FBXO10: variants seen among roughly 807,000 people sequenced by gnomAD.
The protein encoded by FBXO10 is F-box protein 10.
In FBXO10, 39 loss-of-function variants were observed where a neutral mutation model predicts 80.7. The ratio of observed to expected loss-of-function variants is 0.48; its 90% CI spans 0.37 to 0.63. FBXO10 has a LOEUF of 0.63. Among genes scored for constraint, FBXO10 ranks in the 30% least tolerant of loss-of-function variants. FBXO10 has a pLI of 0.00. For synonymous variants in FBXO10, 449 were observed against 489.6 expected (o/e 0.92, Z 1.09); for missense variants, 1,025 against 1,269.0 (o/e 0.81, Z 2.92).
At chr9:37,531,709 G>A (rs1821627228) in intron 4 of FBXO10, among the ~76,000 whole-genome samples, 200 bp downstream of exon 4, 1 of 152,154 alleles carries the variant, frequency 6.6e-6, no homozygotes, top group Non-Finnish European at 1.5e-5. Context: ...ACGGGGAGAT[G>A]ACCAGAAAAT....
Position 37,521,568 on chromosome 9 carries a change from C to T in FBXO10, c.2200+1G>A. On this transcript the variant is annotated splice_donor_variant, in intron 8 of 10. Coordinates refer to ENST00000432825, the MANE Select transcript of FBXO10 (RefSeq NM_012166.3). LOFTEE classifies it high-confidence loss of function. ...AGCAGGGGCTGAGGGGGTATACTCA[C>T]CTCCATTGTGATTAATACTGTTAGA... The T allele has an allele frequency of 6.2e-7, 1 of 1,603,568 alleles. No individual in the cohort carries two copies. Among genetic ancestry groups the T allele is most frequent in the Non-Finnish European group, 8.5e-7 (1 of 1,172,834 alleles).
intron 1 of FBXO10, among the ~76,000 whole-genome samples, chr9:37,562,391 C>G (rs1189251383): frequency 6.6e-6 from 1 of 152,166 alleles, no homozygotes; most frequent in Non-Finnish European, 1.5e-5. Context: ...AGAGGGGACA[C>G]AGGAAGTGCT....
Position 37,518,455 on chromosome 9 carries a change from T to C in FBXO10, c.2201-17A>G. 3.2e-6 allele frequency: 5 copies of C among 1,561,130 alleles called. No homozygotes were observed. In the South Asian group the frequency reaches 4.9e-5, roughly 15 times the overall value. On this transcript the variant is annotated splice_polypyrimidine_tract_variant and intron_variant, in intron 8 of 10. Transcript: ENST00000432825. ...GTCCTGAGGCTATGGGTGGAAGGGT[T>C]GGAAAGCACAGGGGGTCCCAGGGTC...
chr9:37,518,152 C>G lies in FBXO10; in HGVS notation c.2487G>C (p.Leu829=). ...NDIIGNRGSG[L]QLLPRSDTKV... ...TAGTGTCGGACCTGGGCAGCAGCTG[C>G]AGCCCGCTGCCCCGGTTGCCAATGA... Residue 829 remains leucine (L), a synonymous_variant, in exon 9 of 11, where the codon CTG becomes CTC. Transcript: ENST00000432825. 4.3e-6 allele frequency: 7 copies of G among 1,613,680 alleles called. No individual in the cohort carries two copies. Among genetic ancestry groups the G allele is most frequent in the Non-Finnish European group, 5.9e-6 (7 of 1,179,686 alleles).
chr9:37,547,146 AAAAC>A (rs754135216), intron 1 of FBXO10, among the ~76,000 whole-genome samples: 3 of 152,262 alleles, frequency 2.0e-5, no homozygotes, highest in Non-Finnish European at 2.9e-5. Flanking sequence ...TCATAATAGT[AAAAC>A]AAACAAACAA....
intron 1 of FBXO10, among the ~76,000 whole-genome samples, chr9:37,571,722 T>TATATAC (rs1554649965): frequency 1.5e-5 from 2 of 137,324 alleles, no homozygotes; most frequent in East Asian, 4.2e-4. Flanking sequence ...GCCATATATA[T>TATATAC]ATATATATAT....
intron 1 of FBXO10, among the ~76,000 whole-genome samples, chr9:37,545,877 T>C (rs770465993): frequency 2.6e-5 from 4 of 152,202 alleles, no homozygotes; most frequent in African/African-American, 9.6e-5. Flanking sequence ...CCGGGTGCGG[T>C]GGCTCACACC....
chr9:37,547,502 T>A (rs989929483), intron 1 of FBXO10, among the ~76,000 whole-genome samples: 1 of 152,078 alleles, frequency 6.6e-6, no homozygotes, highest in Non-Finnish European at 1.5e-5. Context: ...TCCCAGCTAC[T>A]AGGGTGGTTG....
chr9:37,543,808 C>T (rs1821983663), intron 1 of FBXO10, among the ~76,000 whole-genome samples: 1 of 152,214 alleles, frequency 6.6e-6, no homozygotes, highest in South Asian at 2.1e-4. Context: ...ACTTCCAAGT[C>T]TGAAACCCAA....
At chr9:37,550,750 A>G (rs1822179467) in intron 1 of FBXO10, among the ~76,000 whole-genome samples, 1 of 152,166 alleles carries the variant, frequency 6.6e-6, no homozygotes, top group African/African-American at 2.4e-5. Flanking sequence ...AAGTGCTGCG[A>G]TTATAGGCAC....
At chr9:37,554,965 T>C (rs942412920) in intron 1 of FBXO10, among the ~76,000 whole-genome samples, 5 of 152,188 alleles carry the variant, frequency 3.3e-5, no homozygotes, top group African/African-American at 1.2e-4. Flanking sequence ...AGGAGTGGAA[T>C]TCCTAGGTTC....
intron 1 of FBXO10, among the ~76,000 whole-genome samples, chr9:37,567,116 G>A (rs1447108988): frequency 6.6e-6 from 1 of 151,306 alleles, no homozygotes; most frequent in African/African-American, 2.4e-5. Context: ...AATGCCAGGT[G>A]CTTTTTACAT....
intron 1 of FBXO10, among the ~76,000 whole-genome samples, chr9:37,573,684 G>C (rs1822818664): frequency 6.6e-6 from 1 of 152,212 alleles, no homozygotes; most frequent in Non-Finnish European, 1.5e-5. Context: ...AAGGACATTA[G>C]AGAGGACTTG....
At position 37,529,133 on chromosome 9, in the gene FBXO10, G is replaced by C; in HGVS notation, c.1697C>G (p.Pro566Arg). 1.2e-6 allele frequency: 2 copies of C among 1,613,970 alleles called. No individual in the cohort carries two copies. Among genetic ancestry groups the C allele is most frequent in the Non-Finnish European group, 8.5e-7 (1 of 1,179,876 alleles). Residue 566 changes from proline to arginine, a missense_variant, in exon 5 of 11, where the codon CCC (proline) becomes CGC (arginine). This residue lies in a region of FBXO10 where 478 missense variants were observed against 667.8 expected (regional missense o/e 0.72). Coordinates refer to ENST00000432825, the MANE Select transcript of FBXO10 (RefSeq NM_012166.3). ...AGIYILYHGN[P>R]VVSGNHIFKG... ...AAACAGCAGCACACACCTCACAACG[G>C]GGTTTCCGTGGTACAGGATGTAAAT... is the stretch of plus-strand genomic sequence containing the variant.
At chr9:37,519,627 A>G (rs1821276446) in intron 8 of FBXO10, among the ~76,000 whole-genome samples, 1 of 152,186 alleles carries the variant, frequency 6.6e-6, no homozygotes, top group African/African-American at 2.4e-5. Flanking sequence ...AACAACAAAA[A>G]TAAGTATTTG....
intron 1 of FBXO10, among the ~76,000 whole-genome samples, chr9:37,544,918 C>T (rs1334235474): frequency 4.8e-5 from 7 of 144,844 alleles, no homozygotes; most frequent in African/African-American, 1.3e-4. Flanking sequence ...GGCGTGAACC[C>T]GGGAGGTGGA....
At position 37,541,175 on chromosome 9, in the gene FBXO10, G is replaced by T. The variant is rs779633066; in HGVS notation, c.585+9C>A. The T allele has an allele frequency of 6.3e-7, 1 of 1,583,488 alleles. No homozygotes were observed. The highest frequency in any genetic ancestry group is 8.6e-7 in the Non-Finnish European group (1 of 1,166,750). On this transcript the variant is annotated intron_variant, in intron 2 of 10. Transcript: ENST00000432825. Reference sequence around the variant, plus strand: ...ACTAGAAAGGCCGTCTATTGATGTGGATACCCACCTTATACATGATGGGTG... The same window carrying T: ...ACTAGAAAGGCCGTCTATTGATGTGTATACCCACCTTATACATGATGGGTG...
intron 1 of FBXO10, among the ~76,000 whole-genome samples, chr9:37,546,692 T>C (rs544304817): frequency 1.3e-5 from 2 of 151,394 alleles, no homozygotes; most frequent in South Asian, 2.1e-4. Context: ...TGAAAAATCA[T>C]GGAGTAACTC....
At position 37,541,638 on chromosome 9, in the gene FBXO10, C is replaced by T. The variant is rs780121584; in HGVS notation, c.131G>A (p.Arg44His). ...YELILSLDST[R>H]WRQLCLGCTE... ...GCAACCCAGACACAGCTGCCGCCAG[C>T]GGGTGCTGTCGAGACTGAGGATCAG... The change falls in exon 2 of 11, where the codon CGC becomes CAC. Residue 44 changes from arginine (R) to histidine (H), a missense_variant. By Grantham distance (29) the Arg-to-His change is conservative (BLOSUM62 0). This residue lies in a region of FBXO10 where 450 missense variants were observed against 499.4 expected (regional missense o/e 0.90). Coordinates refer to ENST00000432825, the MANE Select transcript of FBXO10 (RefSeq NM_012166.3). 6.8e-6 allele frequency: 11 copies of T among 1,613,892 alleles called. No homozygotes were observed. The highest frequency in any genetic ancestry group is 6.6e-5 in the South Asian group (6 of 91,062).
Sources: gnomAD v4.1 joint callset for allele counts (sites outside exome capture counted in the v4.1 genomes callset) on GRCh38, gnomAD v4.1.1 for gene constraint, gnomAD v4.1.1 regional missense constraint, MANE v1.5 for transcripts, NCBI Gene and HGNC (gene_info 2026-07-23, HGNC 2026-07-21) for gene names.